The following LITAF variants were observed in gnomAD, a reference collection of about 807,000 sequenced individuals.
The protein encoded by LITAF is lipopolysaccharide-induced tumor necrosis factor-alpha factor.
A neutral mutation model predicts 14.5 loss-of-function variants in LITAF; 9 were observed. The ratio of observed to expected loss-of-function variants is 0.62; its 90% CI spans 0.37 to 1.08. The LOEUF is 1.08. Ranked by LOEUF, LITAF falls within the 50% of genes least tolerant of loss-of-function variation. The pLI, the probability that LITAF is intolerant of heterozygous loss-of-function variation, is 0.01. For synonymous variants in LITAF, 98 were observed against 88.2 expected, an observed-to-expected ratio of 1.11 and a Z score of -0.62; for missense variants, 206 against 213.4, an observed-to-expected ratio of 0.97 and a Z score of 0.22.
chr16:11,612,468 C>G (rs941159681), intron 3 of LITAF, among the ~76,000 whole-genome samples: 1 of 152,240 alleles, frequency 6.6e-6, no homozygotes, highest in Non-Finnish European at 1.5e-5. Flanking sequence ...TTGGGCAACT[C>G]CCAGCAGGTT....
chr16:11,613,748 C>T (rs1043916475), intron 3 of LITAF, among the ~76,000 whole-genome samples: 2 of 152,198 alleles, frequency 1.3e-5, no homozygotes, highest in African/African-American at 4.8e-5. Flanking sequence ...AGGCAGTTCA[C>T]ACTGGTGGAA....
intron 3 of LITAF, among the ~76,000 whole-genome samples, chr16:11,620,940 G>A (rs569764534): frequency 6.6e-6 from 1 of 152,340 alleles, no homozygotes; most frequent in South Asian, 2.1e-4. Context: ...CTGTTGCCCA[G>A]GCTGGAGTGC....
At position 11,549,419 on chromosome 16, in the gene LITAF, G is replaced by T. The variant is rs1213581721; in HGVS notation, c.*218C>A. Reference sequence around the variant, plus strand: ...GAAACCGTGGAACTGACACTCAAGGGGAATGTCTTTGCAAGTCCTATGCAC... The same window carrying T: ...GAAACCGTGGAACTGACACTCAAGGTGAATGTCTTTGCAAGTCCTATGCAC... On this transcript the variant is annotated 3_prime_UTR_variant, in exon 4 of 4. Coordinates refer to ENST00000622633, the MANE Select transcript of LITAF (RefSeq NM_001136472.2). The surrounding 1 kb of genome is among the most constrained non-coding windows in gnomAD (Gnocchi z 4.6). 9.9e-6 allele frequency: 6 copies of T among 604,570 alleles called. No individual in the cohort carries two copies. The highest frequency in any genetic ancestry group is 7.0e-5 in the East Asian group (2 of 28,412). The allele number at this position is 604,570 out of a possible 1,614,324, so 37.5% of individuals were successfully genotyped here.
intron 3 of LITAF, among the ~76,000 whole-genome samples, chr16:11,550,953 C>T (rs2064173025): frequency 6.6e-6 from 1 of 152,154 alleles, no homozygotes; most frequent in Admixed American, 6.5e-5. Flanking sequence ...GGTCGTTTTG[C>T]CAACCCCCGT....
At chr16:11,556,489 G>A (rs1244303305) in intron 2 of LITAF, 22 bp downstream of exon 2, 1 of 1,591,314 alleles carries the variant, frequency 6.3e-7, no homozygotes. Context: ...ATGGTAAGGG[G>A]GGCCTGGGAG....
At chr16:11,633,568 T>G (rs1294092037) in exon 3 of LITAF, 4 of 152,122 alleles carry the variant, frequency 2.6e-5, no homozygotes. Flanking sequence ...AACTCTGGTC[T>G]TCCTCACTGC....
intron 1 of LITAF, among the ~76,000 whole-genome samples, chr16:11,578,259 CTTTCA>C (rs1455946261): frequency 2.0e-5 from 3 of 152,278 alleles, no homozygotes; most frequent in Admixed American, 2.0e-4. Context: ...CCTTGACTCT[CTTTCA>C]AAGAACAGAG....
chr16:11,565,384 T>C (rs7187619), intron 1 of LITAF, among the ~76,000 whole-genome samples: 80,071 of 148,610 alleles, frequency 0.54, 21,757 homozygotes, highest in African/African-American at 0.58. Context: ...CGCCTGGCCT[T>C]GAATTACTCA....
intron 3 of LITAF, among the ~76,000 whole-genome samples, chr16:11,610,420 T>A (rs923432566): frequency 7.3e-5 from 11 of 150,680 alleles, no homozygotes; most frequent in Admixed American, 1.3e-4. Flanking sequence ...AGGAAATCTT[T>A]ATTCTGGTCC....
At chr16:11,637,950 A>C (rs1178479527), upstream of LITAF, among the ~76,000 whole-genome samples, 1 of 62,564 alleles carries the variant, frequency 1.6e-5, no homozygotes, top group Non-Finnish European at 2.8e-5. Context: ...ATATATCTAT[A>C]TATATCTATA....
chr16:11,564,264 C>T (rs1347322801), intron 1 of LITAF, among the ~76,000 whole-genome samples: 1 of 152,064 alleles, frequency 6.6e-6, no homozygotes, highest in African/African-American at 2.4e-5. Context: ...GGAGAAGCCA[C>T]AGTGTCAGAC....
At chr16:11,552,669 G>T (rs1158222523) in intron 3 of LITAF, among the ~76,000 whole-genome samples, 1 of 152,106 alleles carries the variant, frequency 6.6e-6, no homozygotes, top group African/African-American at 2.4e-5. Flanking sequence ...TTCTGGGGAC[G>T]GATACGCTTA....
chr16:11,556,205 C>T (rs912477622), intron 2 of LITAF: 5 of 511,138 alleles, frequency 9.8e-6, no homozygotes, highest in South Asian at 3.6e-5. Flanking sequence ...AGGAAGTGTG[C>T]GGGCCCTTAA....
intron 3 of LITAF, among the ~76,000 whole-genome samples, chr16:11,604,174 G>A (rs1349765575): frequency 1.3e-5 from 2 of 151,976 alleles, no homozygotes; most frequent in African/African-American, 2.4e-5. Flanking sequence ...GGTAGGTGGT[G>A]ATGTGAAATT....
chr16:11,581,513 G>T (rs2064734122), intron 1 of LITAF, among the ~76,000 whole-genome samples: 1 of 152,142 alleles, frequency 6.6e-6, no homozygotes, highest in Admixed American at 6.6e-5. Context: ...TAGTGTGGTG[G>T]CTGAGGTGGA....
chr16:11,581,203 C>G (rs1287783698), intron 1 of LITAF, among the ~76,000 whole-genome samples: 1 of 152,240 alleles, frequency 6.6e-6, no homozygotes, highest in Non-Finnish European at 1.5e-5. Flanking sequence ...AATCTATCAT[C>G]AGTTTATTTC....
upstream of LITAF, among the ~76,000 whole-genome samples, chr16:11,639,007 A>G (rs1226904536): frequency 6.6e-6 from 1 of 152,154 alleles, no homozygotes; most frequent in East Asian, 1.9e-4. Flanking sequence ...TGCATCCAAA[A>G]AGTAAGATGT....
chr16:11,624,852 T>C lies in LITAF; in HGVS notation c.85+8681A>G, dbSNP rs530609037. Among the ~76,000 whole-genome samples the C allele has an allele frequency of 7.2e-5, 11 of 152,268 alleles. No homozygotes were observed. In the South Asian group the frequency reaches 2.3e-3, roughly 32 times the overall value. ...TTTGACCAATAGAATATGGTAGAAG[T>C]GACTCTACAAATTTTGAGGCTAAGA... On this transcript the variant is annotated intron_variant, in intron 3 of 3. Coordinates refer to the LITAF transcript ENST00000574848.
upstream of LITAF, among the ~76,000 whole-genome samples, chr16:11,600,514 G>A (rs1004971230): frequency 1.3e-5 from 2 of 152,238 alleles, no homozygotes; most frequent in South Asian, 4.1e-4. This position sits in a 1 kb window ranked among gnomAD's most constrained non-coding sequence, Gnocchi z 4.1. Context: ...AGCCAAGCTA[G>A]AAGTTAAATT....
Sources: gnomAD v4.1 joint callset for allele counts (sites outside exome capture counted in the v4.1 genomes callset) on GRCh38, gnomAD v4.1.1 for gene constraint, Gnocchi (gnomAD v3.1) non-coding constraint, MANE v1.5 for transcripts, NCBI Gene and HGNC (gene_info 2026-07-23, HGNC 2026-07-21) for gene names.